CDK13: variants seen among roughly 807,000 people sequenced by gnomAD.
CDK13 encodes the protein cyclin dependent kinase 13.
CDK13 carries 40 observed loss-of-function variants against 137.6 expected under a neutral mutation model. The observed-to-expected ratio is 0.29, with a 90% CI of 0.23 to 0.38. The LOEUF (loss-of-function observed/expected upper bound fraction) is 0.38, where lower values mean the gene tolerates loss of function less well. Ranked by LOEUF, CDK13 falls within the 10% of genes least tolerant of loss-of-function variation. The probability of loss-of-function intolerance (pLI) is 1.00; values close to 1 mark genes in which losing one functional copy is unlikely to be tolerated. For synonymous variants in CDK13, 869 were observed against 760.1 expected, an observed-to-expected ratio of 1.14 and a Z score of -2.36; for missense variants, 1,704 against 1,951.8, an observed-to-expected ratio of 0.87 and a Z score of 2.39.
At position 40,094,284 on chromosome 7, in the gene CDK13, C is replaced by T. The variant is rs371033303; in HGVS notation, c.3843C>T (p.Asn1281=). Residue 1281 remains asparagine (N), a synonymous_variant, in exon 14 of 14, where the codon AAC becomes AAT. Coordinates refer to ENST00000181839, the MANE Select transcript of CDK13 (RefSeq NM_003718.5). ...AAGATCTAGATTATCGGACAGAAAA[C>T]CAGCATGTACCCACCACCAGTTCTT... The part of the protein sequence containing the change: ...TEEDLDYRTE[N]QHVPTTSSSL... 1.4e-5 allele frequency: 22 copies of T among 1,612,272 alleles called. No homozygotes were observed. In the African/African-American group the frequency reaches 1.6e-4, roughly 12 times the overall value.
chr7:39,992,604 GTAGT>G (rs1784486499), intron 2 of CDK13, among the ~76,000 whole-genome samples: 1 of 151,670 alleles, frequency 6.6e-6, no homozygotes, highest in South Asian at 2.1e-4. Context: ...GAAATCAACA[GTAGT>G]TAATCTAACA....
At chr7:40,045,815 A>G in intron 5 of CDK13, 21 bp from the exon 6 acceptor site, 4 of 1,508,964 alleles carry the variant, frequency 2.7e-6, no homozygotes, top group Non-Finnish European at 3.7e-6. Context: ...TTTCTAATGT[A>G]TTAATTATTC....
rs1230659789 is a variant in CDK13, at chr7:39,951,236, C to T, written c.595C>T (p.Arg199Cys). ...CGGGGAGGGGTCGGAGCGCAGGCCCCGCCGGGACCGCCGCAGCAGCAGTGG... is the reference window on the plus strand; with the variant it reads ...CGGGGAGGGGTCGGAGCGCAGGCCCTGCCGGGACCGCCGCAGCAGCAGTGG... ...RRGEGSERRP[R>C]RDRRSSSGRS... Residue 199 changes from arginine to cysteine, a missense_variant, in exon 1 of 14, where the codon CGC (arginine) becomes TGC (cysteine). This residue lies in a region of CDK13 where 1,051 missense variants were observed against 931.0 expected (regional missense o/e 1.13). Transcript: ENST00000181839. The T allele has an allele frequency of 8.5e-6, 11 of 1,287,502 alleles. No individual in the cohort carries two copies. The highest frequency in any genetic ancestry group is 4.2e-5 in the Admixed American group (1 of 23,666). The allele number at this position is 1,287,502 out of a possible 1,614,324, so 79.8% of individuals were successfully genotyped here. A position where few individuals can be genotyped will look rare whatever the true frequency, so the allele number is the denominator to read the frequency against.
At chr7:39,992,895 T>TTATG (rs1253348680) in intron 2 of CDK13, among the ~76,000 whole-genome samples, 2 of 152,176 alleles carry the variant, frequency 1.3e-5, no homozygotes, top group Admixed American at 1.3e-4. Context: ...TTTATGTACT[T>TTATG]TATGCTGTTG....
rs562118986 is a variant in CDK13, at chr7:40,020,830, C to T, written c.2353+18799C>T. ...AAGTAGGGGTGGGCACGGTGGCTCA[C>T]GCCCATAATCCCAGCACTTTGGGAG... On this transcript the variant is annotated intron_variant, in intron 5 of 13. Transcript: ENST00000181839. Among the ~76,000 whole-genome samples the T allele has an allele frequency of 1.3e-4, 20 of 152,288 alleles. 1 individual carries two copies. The South Asian group carries it at 3.5e-3, about 27-fold the overall frequency.
At chr7:40,066,040 A>G (rs1224531314) in intron 9 of CDK13, among the ~76,000 whole-genome samples, 12 of 152,098 alleles carry the variant, frequency 7.9e-5, no homozygotes. Flanking sequence ...ACAAACAAAC[A>G]AAAACAACAA....
At chr7:40,087,861 T>C (rs1055318161) in intron 11 of CDK13, among the ~76,000 whole-genome samples, 2 of 152,152 alleles carry the variant, frequency 1.3e-5, no homozygotes, top group Admixed American at 6.5e-5. Flanking sequence ...TTTATGAATA[T>C]ATATTCTTCA....
intron 11 of CDK13, among the ~76,000 whole-genome samples, chr7:40,083,201 GTGA>G (rs1786709872): frequency 6.6e-6 from 1 of 151,660 alleles, no homozygotes; most frequent in Admixed American, 6.6e-5. Context: ...GCTGGGCATG[GTGA>G]CTCATGCCTG....
intron 5 of CDK13, among the ~76,000 whole-genome samples, chr7:40,035,301 C>T (rs1785457736): frequency 1.3e-5 from 2 of 152,110 alleles, no homozygotes; most frequent in Admixed American, 6.6e-5. Flanking sequence ...GTTTGAAAAA[C>T]ATCGCCTTAA....
Position 40,096,805 on chromosome 7 carries a change from ACT to A in CDK13, c.*1828_*1829del, listed in dbSNP as rs1787057236. 6.6e-6 allele frequency: 1 copy of A among 151,994 alleles called. No individual in the cohort carries two copies. The highest frequency in any genetic ancestry group is 2.4e-5 in the African/African-American group (1 of 41,410). 9.4% of individuals were successfully genotyped at this position (151,994 alleles called of 1,614,324 possible). A position where few individuals can be genotyped will look rare whatever the true frequency, so the allele number is the denominator to read the frequency against. On this transcript the variant is annotated 3_prime_UTR_variant, in exon 14 of 14. Transcript: ENST00000181839. ...AGTTGACCATTTTATTTTTTGATGG[ACT>A]CTTTTTGTTGGGAGAAAGAAATGAA... is the stretch of plus-strand genomic sequence containing the variant.
intron 9 of CDK13, among the ~76,000 whole-genome samples, chr7:40,064,586 G>A (rs1037378915): frequency 2.6e-5 from 4 of 152,016 alleles, no homozygotes; most frequent in Non-Finnish European, 5.9e-5. Flanking sequence ...ATAGGGTACA[G>A]CAGGGAAAGA....
At chr7:39,968,732 G>A (rs2116175130) in intron 1 of CDK13, among the ~76,000 whole-genome samples, 1 of 152,308 alleles carries the variant, frequency 6.6e-6, no homozygotes, top group South Asian at 2.1e-4. Flanking sequence ...AAGTCAGGTA[G>A]TGGGATACCT....
intron 1 of CDK13, among the ~76,000 whole-genome samples, chr7:39,964,036 G>A (rs1313140781): frequency 1.3e-5 from 2 of 152,160 alleles, no homozygotes; most frequent in East Asian, 1.9e-4. Flanking sequence ...ATTTTATTGA[G>A]GATCTTTGTA....
At chr7:39,969,775 A>G (rs1233213606) in intron 1 of CDK13, among the ~76,000 whole-genome samples, 3 of 151,972 alleles carry the variant, frequency 2.0e-5, no homozygotes, top group East Asian at 1.9e-4. Context: ...AATGTTGAGT[A>G]TACTTCCATA....
chr7:39,965,335 T>C (rs1783846110), intron 1 of CDK13, among the ~76,000 whole-genome samples: 1 of 152,208 alleles, frequency 6.6e-6, no homozygotes, highest in South Asian at 2.1e-4. Flanking sequence ...TTAGGATAGT[T>C]AGCTCTTGTT....
At chr7:39,961,715 C>T (rs1053102579) in intron 1 of CDK13, among the ~76,000 whole-genome samples, 1 of 151,706 alleles carries the variant, frequency 6.6e-6, no homozygotes, top group African/African-American at 2.4e-5. Context: ...ATACATGTGC[C>T]ATGTTGGTGT....
chr7:40,080,857 T>C (rs959119490), intron 11 of CDK13, among the ~76,000 whole-genome samples: 3 of 152,200 alleles, frequency 2.0e-5, no homozygotes, highest in African/African-American at 7.2e-5. Context: ...GTGACACTTA[T>C]AAATATGTAA....
At chr7:39,991,796 T>C (rs1214854925) in intron 2 of CDK13, among the ~76,000 whole-genome samples, 1 of 151,790 alleles carries the variant, frequency 6.6e-6, no homozygotes, top group Non-Finnish European at 1.5e-5. Context: ...AATCCCAAAG[T>C]GTAATAAGCA....
intron 5 of CDK13, among the ~76,000 whole-genome samples, chr7:40,012,029 G>A (rs1377016661): frequency 6.6e-6 from 1 of 152,084 alleles, no homozygotes; most frequent in Non-Finnish European, 1.5e-5. Flanking sequence ...CACATGAAAA[G>A]ATGTTCAACA....
Sources: gnomAD v4.1 joint callset for allele counts (sites outside exome capture counted in the v4.1 genomes callset) on GRCh38, gnomAD v4.1.1 for gene constraint, gnomAD v4.1.1 regional missense constraint, MANE v1.5 for transcripts, NCBI Gene and HGNC (gene_info 2026-07-23, HGNC 2026-07-21) for gene names.